The following STAU1 variants were observed in gnomAD, a reference collection of about 807,000 sequenced individuals.
The protein encoded by STAU1 is double-stranded RNA-binding protein Staufen homolog 1.
A neutral mutation model predicts 62.9 loss-of-function variants in STAU1; 13 were observed. The ratio of observed to expected loss-of-function variants is 0.21; its 90% CI spans 0.13 to 0.33. STAU1 has a LOEUF of 0.33. STAU1 is among the 10% of genes least tolerant of loss of function. The probability of loss-of-function intolerance (pLI) is 1.00; values close to 1 mark genes in which losing one functional copy is unlikely to be tolerated. For missense variants in STAU1, 571 were observed against 712.1 expected, an observed-to-expected ratio of 0.80 and a Z score of 2.25; for synonymous variants, 269 against 265.1, an observed-to-expected ratio of 1.01 and a Z score of -0.14.
At chr20:49,217,111 G>A in the STAU1 span, among the ~76,000 whole-genome samples, 2 of 152,112 alleles carry the variant, frequency 1.3e-5, no homozygotes, top group Admixed American at 1.3e-4. Context: ...GCTGGGTACA[G>A]AAAAGCTGGT....
chr20:49,208,986 A>C, the STAU1 span, among the ~76,000 whole-genome samples: 2 of 150,836 alleles, frequency 1.3e-5, no homozygotes, highest in South Asian at 2.1e-4. Context: ...CCCATGCTGG[A>C]GTGCAGTGGC....
chr20:49,183,637 G>A (rs990347716), intron 1 of STAU1, among the ~76,000 whole-genome samples: 1 of 152,204 alleles, frequency 6.6e-6, no homozygotes, highest in Non-Finnish European at 1.5e-5. Flanking sequence ...ACTGGATGAA[G>A]CAGTATCCAT....
chr20:49,176,161 G>A (rs1414696993), intron 1 of STAU1, among the ~76,000 whole-genome samples: 5 of 152,166 alleles, frequency 3.3e-5, no homozygotes, highest in African/African-American at 1.2e-4. Flanking sequence ...TTTCAAACCT[G>A]TGTTTTCTTT....
chr20:49,182,849 AAAAAAAT>A (rs1252600046), intron 1 of STAU1, among the ~76,000 whole-genome samples: 4 of 152,022 alleles, frequency 2.6e-5, no homozygotes, highest in African/African-American at 9.7e-5. Flanking sequence ...AAAAAAAAAA[AAAAAAAT>A]AGTAGACGGT....
At chr20:49,116,153 C>T (rs2092318738) in intron 12 of STAU1, among the ~76,000 whole-genome samples, 1 of 152,114 alleles carries the variant, frequency 6.6e-6, no homozygotes. Flanking sequence ...TGCTTTCTAA[C>T]AAAAATCTAT....
the STAU1 span, among the ~76,000 whole-genome samples, chr20:49,200,056 C>T: frequency 6.6e-6 from 1 of 152,162 alleles, no homozygotes. Flanking sequence ...GGTACAGCCA[C>T]CTGGTATGAC....
intron 3 of STAU1, among the ~76,000 whole-genome samples, chr20:49,165,695 G>A (rs559368782): frequency 1.3e-5 from 2 of 152,320 alleles, no homozygotes; most frequent in African/African-American, 4.8e-5. Flanking sequence ...TATCCAAGGT[G>A]GTATTTACTG....
At position 49,178,192 on chromosome 20, in the gene STAU1, A is replaced by G. The variant is rs1204071829; in HGVS notation, c.-159-3923T>C. ...ACTCCATCTCAAAAAACCAACAAAA[A>G]TGCACATTTCCATATGCAAATCTAT... On this transcript the variant is annotated intron_variant, in intron 1 of 13. Coordinates refer to ENST00000371856, the MANE Select transcript of STAU1 (RefSeq NM_017453.4). 2.0e-5 allele frequency among the ~76,000 whole-genome samples: 3 copies of G among 152,146 alleles called. No homozygotes were observed. In the East Asian group the frequency reaches 5.8e-4, roughly 29 times the overall value.
At chr20:49,181,956 G>T (rs548439707) in intron 1 of STAU1, among the ~76,000 whole-genome samples, 1 of 152,172 alleles carries the variant, frequency 6.6e-6, no homozygotes, top group African/African-American at 2.4e-5. Context: ...TTCCATTACT[G>T]TTATAAACCC....
At chr20:49,204,430 A>G in the STAU1 span, among the ~76,000 whole-genome samples, 3 of 150,072 alleles carry the variant, frequency 2.0e-5, no homozygotes, top group Admixed American at 2.0e-4. Context: ...CTATTTTTTC[A>G]TTTTCAGTGC....
chr20:49,173,682 T>C (rs906448528), intron 2 of STAU1, among the ~76,000 whole-genome samples: 14 of 152,314 alleles, frequency 9.2e-5, no homozygotes, highest in Admixed American at 1.3e-4. Flanking sequence ...ATAGTGTATT[T>C]TGCATTGCCC....
chr20:49,209,628 T>C, the STAU1 span, among the ~76,000 whole-genome samples: 2 of 151,994 alleles, frequency 1.3e-5, no homozygotes, highest in Non-Finnish European at 2.9e-5. Flanking sequence ...CCTGTAATCC[T>C]AGCTACTTGA....
At chr20:49,179,450 A>C (rs1419294692) in intron 1 of STAU1, among the ~76,000 whole-genome samples, 1 of 152,202 alleles carries the variant, frequency 6.6e-6, no homozygotes, top group Non-Finnish European at 1.5e-5. Context: ...AAGGAAACTT[A>C]TTTGCCTAAC....
chr20:49,186,273 G>A (rs1323317630), intron 1 of STAU1, among the ~76,000 whole-genome samples: 1 of 151,820 alleles, frequency 6.6e-6, no homozygotes, highest in Non-Finnish European at 1.5e-5. Context: ...TTGAACCAGG[G>A]TGGCAGAGGT....
At chr20:49,155,929 T>C (rs1397200854) in intron 3 of STAU1, among the ~76,000 whole-genome samples, 2 of 152,158 alleles carry the variant, frequency 1.3e-5, no homozygotes, top group Non-Finnish European at 2.9e-5. Flanking sequence ...ACTTCATGCA[T>C]GTGAGGGGGT....
intron 3 of STAU1, among the ~76,000 whole-genome samples, chr20:49,157,296 G>A (rs141514235): frequency 1.5e-3 from 225 of 152,224 alleles, no homozygotes; most frequent in Non-Finnish European, 2.7e-3. Flanking sequence ...GTGTTTGTGG[G>A]CTCTTGTTTG....
upstream of STAU1, among the ~76,000 whole-genome samples, chr20:49,189,017 G>A (rs1386815874): frequency 6.6e-6 from 1 of 151,072 alleles, no homozygotes; most frequent in Non-Finnish European, 1.5e-5. Context: ...TGGCTACCAC[G>A]GTGAAACCCC....
the STAU1 span, among the ~76,000 whole-genome samples, chr20:49,211,193 T>C: frequency 1.3e-5 from 2 of 152,212 alleles, no homozygotes; most frequent in Admixed American, 6.6e-5. Flanking sequence ...TATATGGATA[T>C]ACCACAAATT....
rs1365094126 is a variant in STAU1 at position 49,121,186 on chromosome 20, C to CA, written c.967-1059dup. Among the ~76,000 whole-genome samples, 30 of 152,190 alleles carry CA rather than the reference C, an allele frequency of 2.0e-4. No homozygotes were observed. In the South Asian group the frequency reaches 6.2e-3, roughly 32 times the overall value. ...CTTTGGGAGGCTGAGGTGGGTGGAT[C>CA]ACCTGAGGTCAGGAGTTCGAGACCA... On this transcript the variant is annotated intron_variant, in intron 8 of 13. Transcript: ENST00000371856.
Sources: allele counts gnomAD v4.1 joint callset (sites outside exome capture counted in the v4.1 genomes callset), GRCh38; gene constraint gnomAD v4.1.1; transcripts MANE v1.5; gene names NCBI Gene and HGNC (gene_info 2026-07-23, HGNC 2026-07-21).